IGLON5: variants seen among roughly 807,000 people sequenced by gnomAD.
The protein encoded by IGLON5 is IgLON family member 5.
In IGLON5, 16 loss-of-function variants were observed where a neutral mutation model predicts 38.2. The observed-to-expected ratio is 0.42, with a 90% confidence interval of 0.28 to 0.64. The LOEUF is 0.64. Ranked by LOEUF, IGLON5 falls within the 30% of genes least tolerant of loss-of-function variation. The pLI is 0.23. For synonymous variants in IGLON5, 207 were observed against 216.4 expected, an observed-to-expected ratio of 0.96 and a Z score of 0.38; for missense variants, 366 against 483.4, an observed-to-expected ratio of 0.76 and a Z score of 2.28.
chr19:51,315,688 C>CTTTTTTTTTTT (rs756194855), intron 1 of IGLON5, among the ~76,000 whole-genome samples: 22 of 82,590 alleles, frequency 2.7e-4, no homozygotes, highest in African/African-American at 7.2e-4. Context: ...GGAAGTCAAC[C>CTTTTTTTTTTT]TTTTTTTTTT....
In IGLON5 at chr19:51,330,191, G is replaced by A. The variant is rs1295609840; in HGVS notation, c.*1432G>A. On this transcript the variant is annotated 3_prime_UTR_variant, in exon 8 of 8. Coordinates refer to ENST00000270642, the MANE Select transcript of IGLON5 (RefSeq NM_001101372.3). ...AAGGCGCAGTGACTGTACCTCAGAC[G>A]GGGGCATGGGCCCCATCCCACATTG... 3 of 152,222 alleles carry A rather than the reference G, an allele frequency of 2.0e-5. No homozygotes were observed. Among genetic ancestry groups the A allele is most frequent in the Non-Finnish European group, 4.4e-5 (3 of 68,104 alleles). 9.4% of individuals were successfully genotyped at this position (152,222 alleles called of 1,614,324 possible). A position where few individuals can be genotyped will look rare whatever the true frequency, so the allele number is the denominator to read the frequency against.
chr19:51,313,302 C>T (rs1984815401), intron 1 of IGLON5, among the ~76,000 whole-genome samples: 1 of 152,112 alleles, frequency 6.6e-6, no homozygotes, highest in Non-Finnish European at 1.5e-5. Context: ...TCTTTGTGTC[C>T]CTGCCATTTC....
At chr19:51,313,640 TCTCTC>T (rs144726073) in intron 1 of IGLON5, among the ~76,000 whole-genome samples, 28,691 of 139,414 alleles carry the variant, frequency 0.21, 6,177 homozygotes, top group African/African-American at 0.57. Flanking sequence ...TTTCTCTCTC[TCTCTC>T]TTTTTCTTTC....
intron 1 of IGLON5, 65 bp downstream of exon 1, chr19:51,311,991 G>C: frequency 1.2e-6 from 1 of 850,374 alleles, no homozygotes; most frequent in Non-Finnish European, 1.6e-6. Flanking sequence ...GTAATCGGGG[G>C]ATCAGGGGTG....
At chr19:51,312,161 G>C (rs1218644259) in intron 1 of IGLON5, among the ~76,000 whole-genome samples, 1 of 152,142 alleles carries the variant, frequency 6.6e-6, no homozygotes, top group Non-Finnish European at 1.5e-5. Context: ...CCGGAGCCGG[G>C]TCTAGGGGCG....
At chr19:51,326,989 A>C in intron 5 of IGLON5, 91 bp downstream of exon 5, 2 of 1,583,862 alleles carry the variant, frequency 1.3e-6, no homozygotes. Context: ...CGGGGGCGAG[A>C]CTTACGGGCC....
In IGLON5 at chr19:51,328,898, G is replaced by GGAGGCA; in HGVS notation, c.*144_*149dup. On this transcript the variant is annotated 3_prime_UTR_variant, in exon 8 of 8. Transcript: ENST00000270642. ...AGGAAGAAGAGAGAGGAGAAGAGGA[G>GGAGGCA]GAGGCAGAGGAAGAAAGATCTTCAG... is the stretch of plus-strand genomic sequence containing the variant. 3.5e-6 allele frequency: 2 copies of GGAGGCA among 564,700 alleles called. No homozygotes were observed. The highest frequency in any genetic ancestry group is 6.5e-5 in the East Asian group (2 of 30,548). The allele number at this position is 564,700 out of a possible 1,614,324, so 35.0% of individuals were successfully genotyped here.
rs1180773440 is a variant in IGLON5, at chr19:51,324,557, C to T, written c.391+663C>T. On this transcript the variant is annotated intron_variant, in intron 3 of 7. Transcript: ENST00000270642. The surrounding 1 kb of genome is among the most constrained non-coding windows in gnomAD (Gnocchi z 4.2). ...AGCTCCAACTCTGGAGCCAGACTGC[C>T]TGGGTTCCAACCTCAGTGCCACCGT... is the stretch of plus-strand genomic sequence containing the variant. Among the ~76,000 whole-genome samples, 1 of 152,124 alleles carries T rather than the reference C, an allele frequency of 6.6e-6. No homozygotes were observed. The highest frequency in any genetic ancestry group is 6.5e-5 in the Admixed American group (1 of 15,288).
chr19:51,327,903 G>A lies in IGLON5; in HGVS notation c.922+17G>A, dbSNP rs1171434308. The A allele has an allele frequency of 1.9e-5, 29 of 1,487,784 alleles. No homozygotes were observed. Among genetic ancestry groups the A allele is most frequent in the Non-Finnish European group, 2.4e-5 (27 of 1,117,768 alleles). 92.2% of individuals were successfully genotyped at this position (1,487,784 alleles called of 1,614,324 possible). On this transcript the variant is annotated intron_variant, in intron 7 of 7. Coordinates refer to ENST00000270642, the MANE Select transcript of IGLON5 (RefSeq NM_001101372.3). The surrounding 1 kb of genome is among the most constrained non-coding windows in gnomAD (Gnocchi z 7.1). ...GGCTCCTGCGTGCGTCTTCGGGCGG[G>A]GCGGGGCCGGGAAGGTGGGCGGGGC...
At chr19:51,322,830 CTG>C (rs1985105122) in intron 2 of IGLON5, among the ~76,000 whole-genome samples, 1 of 149,922 alleles carries the variant, frequency 6.7e-6, no homozygotes. Flanking sequence ...ACCCCTCTCT[CTG>C]TGTGTCTCTG....
In IGLON5 at chr19:51,319,709, G is replaced by A. The variant is rs893800285; in HGVS notation, c.80-2355G>A. On this transcript the variant is annotated intron_variant, in intron 1 of 7. Coordinates refer to ENST00000270642, the MANE Select transcript of IGLON5 (RefSeq NM_001101372.3). ...TTGGCCTGAATGTGACAATATGAGC[G>A]CTCCTGGGACAGATCCTCCTTTCCA... 5.9e-5 allele frequency among the ~76,000 whole-genome samples: 9 copies of A among 152,124 alleles called. No homozygotes were observed. The South Asian group carries it at 1.0e-3, about 18-fold the overall frequency.
rs1985340555 is a variant in IGLON5 at position 51,330,889 on chromosome 19, C to A, written c.*2130C>A. Reference sequence around the variant, plus strand: ...AATAAAGTCCCCTGTATATTTAAACCAATTTGCATTGGATTTTCTATCTCT... The same window carrying A: ...AATAAAGTCCCCTGTATATTTAAACAAATTTGCATTGGATTTTCTATCTCT... On this transcript the variant is annotated 3_prime_UTR_variant, in exon 8 of 8. Coordinates refer to ENST00000270642, the MANE Select transcript of IGLON5 (RefSeq NM_001101372.3). 6.6e-6 allele frequency among the ~76,000 whole-genome samples: 1 copy of A among 152,204 alleles called. No homozygotes were observed. Among genetic ancestry groups the A allele is most frequent in the Non-Finnish European group, 1.5e-5 (1 of 68,026 alleles).
In IGLON5 at chr19:51,324,042, G is replaced by GCCCAA. The variant is rs1985154217; in HGVS notation, c.391+149_391+150insCCAAC. Reference sequence around the variant, plus strand: ...CCTTGCCCTTGGGGATTTCAGCCCAGCAGAAGGGGGCCAGTTACACAGACA... The same window carrying GCCCAA: ...CCTTGCCCTTGGGGATTTCAGCCCAGCCCAACAGAAGGGGGCCAGTTACACAGACA... On this transcript the variant is annotated intron_variant, in intron 3 of 7. Coordinates refer to ENST00000270642, the MANE Select transcript of IGLON5 (RefSeq NM_001101372.3). The surrounding 1 kb of genome is among the most constrained non-coding windows in gnomAD (Gnocchi z 4.2). 4.9e-6 allele frequency: 3 copies of GCCCAA among 610,020 alleles called. No homozygotes were observed. The African/African-American group carries it at 5.5e-5, about 11-fold the overall frequency. 37.8% of individuals were successfully genotyped at this position (610,020 alleles called of 1,614,324 possible).
At chr19:51,313,695 C>CTTTCTTTCTTTCTTTCTT (rs57541204) in intron 1 of IGLON5, among the ~76,000 whole-genome samples, 4 of 51,300 alleles carry the variant, frequency 7.8e-5, no homozygotes, top group African/African-American at 2.0e-4. Flanking sequence ...TTCTTTCTTT[C>CTTTCTTTCTTTCTTTCTT]TTCTTTCTTC....
At chr19:51,312,801 C>T (rs1033749527) in intron 1 of IGLON5, among the ~76,000 whole-genome samples, 6 of 152,156 alleles carry the variant, frequency 3.9e-5, no homozygotes, top group Non-Finnish European at 7.4e-5. Context: ...CAGGTTTCTG[C>T]ACTGAGGTTA....
At chr19:51,315,322 A>G (rs1984891349) in intron 1 of IGLON5, among the ~76,000 whole-genome samples, 1 of 152,216 alleles carries the variant, frequency 6.6e-6, no homozygotes, top group Non-Finnish European at 1.5e-5. Context: ...GCCCCTGACA[A>G]GCTAGCTCTC....
Position 51,326,863 on chromosome 19 carries a change from C to T in IGLON5, c.611C>T (p.Ala204Val), listed in dbSNP as rs1478891688. 1.3e-6 allele frequency: 2 copies of T among 1,561,308 alleles called. No homozygotes were observed. The highest frequency in any genetic ancestry group is 2.7e-5 in the African/African-American group (2 of 73,596). The change falls in exon 5 of 8, where the codon GCG becomes GTG. Residue 204 changes from alanine to valine, a missense_variant. Transcript: ENST00000270642. ...ECVTHNGVNS[A>V]PDSRRVLVTV... ...GTGACTCACAACGGGGTTAACTCGG[C>T]GCCCGACAGCCGCCGCGTGCTGGTC...
rs3887787 is a variant in IGLON5, at chr19:51,330,750, T to C, written c.*1991T>C. Among the ~76,000 whole-genome samples the C allele has an allele frequency of 0.13, 19,386 of 152,034 alleles. 1,912 individuals carry two copies. The highest frequency in any genetic ancestry group is 0.27 in the African/African-American group (11,057 of 41,420). On this transcript the variant is annotated 3_prime_UTR_variant, in exon 8 of 8. Transcript: ENST00000270642. ...GACAGCATATGGAGCCTGAGAAGGA[T>C]AGGAACACTGTGAAGGGCAGAGTGG...
intron 1 of IGLON5, among the ~76,000 whole-genome samples, chr19:51,320,636 A>G (rs1022189747): frequency 2.6e-5 from 4 of 152,162 alleles, no homozygotes; most frequent in Admixed American, 6.5e-5. Context: ...ACTTGAGCAC[A>G]CAGTGTGCCT....
Sources: allele counts gnomAD v4.1 joint callset (sites outside exome capture counted in the v4.1 genomes callset), GRCh38; gene constraint gnomAD v4.1.1; non-coding constraint Gnocchi (gnomAD v3.1); transcripts MANE v1.5; gene names NCBI Gene and HGNC (gene_info 2026-07-23, HGNC 2026-07-21).